ALS2: variants seen among roughly 807,000 people sequenced by gnomAD.
The protein encoded by ALS2 is alsin Rho guanine nucleotide exchange factor ALS2.
In ALS2, 117 loss-of-function variants were observed where a neutral mutation model predicts 203.4. That is an observed-to-expected ratio of 0.58 (90% CI 0.50 to 0.67). The LOEUF is 0.67. Ranked by LOEUF, ALS2 falls within the 30% of genes least tolerant of loss-of-function variation. The probability of loss-of-function intolerance (pLI) is 0.00; values close to 1 mark genes in which losing one functional copy is unlikely to be tolerated. For synonymous variants in ALS2, 718 were observed against 725.9 expected, an observed-to-expected ratio of 0.99 and a Z score of 0.17; for missense variants, 1,715 against 1,989.4, an observed-to-expected ratio of 0.86 and a Z score of 2.62.
chr2:201,728,543 A>G lies in ALS2; in HGVS notation c.2810T>C (p.Ile937Thr). Residue 937 changes from isoleucine to threonine, a missense_variant, in exon 15 of 34, where the codon ATT becomes ACT. Ile to Thr is a moderately conservative substitution (Grantham distance 89). Coordinates refer to ENST00000264276, the MANE Select transcript of ALS2 (RefSeq NM_020919.4). ...ATGGACCAGGGCATCATTAAAGAGA[A>G]TGAACCAATTCACGGAAAACCTCCC... ...HAGRFSVNWF[I>T]LFNDALVHAQ... 1.9e-6 allele frequency: 3 copies of G among 1,614,188 alleles called. No individual in the cohort carries two copies. The highest frequency in any genetic ancestry group is 2.5e-6 in the Non-Finnish European group (3 of 1,180,032).
chr2:201,711,604 T>TA (rs1368047600), intron 25 of ALS2, among the ~76,000 whole-genome samples: 6 of 152,106 alleles, frequency 3.9e-5, no homozygotes, highest in African/African-American at 1.4e-4. Context: ...AGCAAGGAGA[T>TA]AATGACACTC....
rs1339220576 is a variant in ALS2, at chr2:201,738,671, T to C, written c.2416A>G (p.Ile806Val). The C allele has an allele frequency of 1.2e-6, 2 of 1,613,654 alleles. No homozygotes were observed. The highest frequency in any genetic ancestry group is 1.7e-5 in the Admixed American group (1 of 60,006). Reference protein sequence around the residue: ...GGFQLLAKPAIDFLNKNQELL... With the variant: ...GGFQLLAKPAVDFLNKNQELL... The stretch of plus-strand genomic sequence containing the variant: ...ACTGGAAGGTGTGGGTTTGCTTACA[T>C]GGCAGGCTTAGCAAGAAGCTGGAAT... Residue 806 changes from isoleucine (I) to valine (V), a missense_variant and splice_region_variant, in exon 12 of 34, where the codon ATT becomes GTT. Around this residue, in one of 3 missense-constraint regions of ALS2, gnomAD observed 1,227 missense variants for 1,413.5 expected, o/e 0.87. Coordinates refer to ENST00000264276, the MANE Select transcript of ALS2 (RefSeq NM_020919.4).
At chr2:201,734,556 C>T (rs1691765315) in intron 12 of ALS2, among the ~76,000 whole-genome samples, 1 of 152,002 alleles carries the variant, frequency 6.6e-6, no homozygotes, top group African/African-American at 2.4e-5. Context: ...CCACGTTCTA[C>T]TGCAGAGATC....
chr2:201,752,109 CT>C (rs1343183593), intron 7 of ALS2, among the ~76,000 whole-genome samples: 1 of 152,044 alleles, frequency 6.6e-6, no homozygotes, highest in Non-Finnish European at 1.5e-5. Flanking sequence ...AAATATTACA[CT>C]GGAATATTTT....
At chr2:201,726,386 C>G in intron 19 of ALS2, 98 bp downstream of exon 19, 11 of 1,105,526 alleles carry the variant, frequency 1.0e-5, no homozygotes, top group Non-Finnish European at 1.5e-5. Flanking sequence ...CAACAAAAAT[C>G]TACTACTTGT....
chr2:201,748,455 A>T (rs556868674), intron 8 of ALS2, among the ~76,000 whole-genome samples: 3 of 152,268 alleles, frequency 2.0e-5, no homozygotes, highest in South Asian at 4.2e-4. Flanking sequence ...TTCCTCAAAT[A>T]AAAAAACCAA....
chr2:201,762,689 G>A (rs1437987098), intron 3 of ALS2: 2 of 152,168 alleles, frequency 1.3e-5, no homozygotes, highest in African/African-American at 4.8e-5. Flanking sequence ...TTTCTGAGGT[G>A]AGATTTGTTT....
chr2:201,753,841 C>T (rs1693219045), intron 6 of ALS2, among the ~76,000 whole-genome samples: 1 of 152,078 alleles, frequency 6.6e-6, no homozygotes, highest in Admixed American at 6.6e-5. Flanking sequence ...TCCTATGTGA[C>T]AGGTGGGGGC....
At chr2:201,709,553 C>A (rs1320962916) in intron 27 of ALS2, among the ~76,000 whole-genome samples, 4 of 152,190 alleles carry the variant, frequency 2.6e-5, no homozygotes, top group African/African-American at 7.2e-5. Flanking sequence ...TTTGTCTACT[C>A]TGTGGTTGGG....
At chr2:201,751,693 T>C (rs1345375353) in intron 7 of ALS2, among the ~76,000 whole-genome samples, 1 of 152,232 alleles carries the variant, frequency 6.6e-6, no homozygotes, top group Non-Finnish European at 1.5e-5. Flanking sequence ...TACTTTCTAA[T>C]TTCCAGTTTT....
intron 16 of ALS2, 64 bp downstream of exon 16, chr2:201,727,640 AT>A: frequency 3.3e-6 from 4 of 1,211,818 alleles, no homozygotes; most frequent in Non-Finnish European, 4.4e-6. Context: ...TTTTTTTCAC[AT>A]TTAAGGAAGC....
chr2:201,727,138 T>C (rs1195583185), intron 17 of ALS2, 74 bp downstream of exon 17: 1 of 1,320,002 alleles, frequency 7.6e-7, no homozygotes, highest in Non-Finnish European at 1.1e-6. Flanking sequence ...GAACAATTTA[T>C]ATTTCTTCTT....
At chr2:201,752,669 G>C (rs991004349) in intron 7 of ALS2, among the ~76,000 whole-genome samples, 3 of 151,940 alleles carry the variant, frequency 2.0e-5, no homozygotes, top group African/African-American at 7.3e-5. Context: ...AGCAGTCTGG[G>C]TTTAAAAAAA....
At chr2:201,715,479 G>T (rs1031381170) in intron 25 of ALS2, among the ~76,000 whole-genome samples, 193 bp downstream of exon 25, 4 of 152,194 alleles carry the variant, frequency 2.6e-5, no homozygotes, top group African/African-American at 4.8e-5. Context: ...ATAAATAACT[G>T]TCCATGTATT....
chr2:201,706,372 T>A (rs1689714011), intron 29 of ALS2, among the ~76,000 whole-genome samples: 2 of 137,840 alleles, frequency 1.5e-5, no homozygotes. Flanking sequence ...CATGACAGAG[T>A]GAAACTCTCT....
At chr2:201,770,498 A>C (rs1198122771) in intron 1 of ALS2, among the ~76,000 whole-genome samples, 1 of 152,102 alleles carries the variant, frequency 6.6e-6, no homozygotes, top group Non-Finnish European at 1.5e-5. Context: ...AACTGTTTTT[A>C]CAACTTTCTT....
chr2:201,764,912 A>G (rs1206186859), intron 3 of ALS2, among the ~76,000 whole-genome samples: 2 of 152,110 alleles, frequency 1.3e-5, no homozygotes, highest in Non-Finnish European at 2.9e-5. Context: ...ACGATAGGCT[A>G]TTTAAATATT....
rs891518577 is a variant in ALS2 at position 201,724,472 on chromosome 2, A to G, written c.3348-13T>C. ...ACCAGAAGCATAGCTGTGGTTGGAA[A>G]GAATGGATAATTATCACATGCACAT... is the stretch of plus-strand genomic sequence containing the variant. On this transcript the variant is annotated splice_polypyrimidine_tract_variant and intron_variant, in intron 20 of 33. Transcript: ENST00000264276. 2 of 1,613,616 alleles carry G rather than the reference A, an allele frequency of 1.2e-6. No homozygotes were observed. Among genetic ancestry groups the G allele is most frequent in the African/African-American group, 2.7e-5 (2 of 74,948 alleles).
chr2:201,705,684 T>A (rs1195198281), intron 29 of ALS2, among the ~76,000 whole-genome samples: 3 of 152,166 alleles, frequency 2.0e-5, no homozygotes, highest in Non-Finnish European at 4.4e-5. Flanking sequence ...GTTACAGATA[T>A]TACCAAATAT....
Sources: allele counts gnomAD v4.1 joint callset (sites outside exome capture counted in the v4.1 genomes callset), GRCh38; gene constraint gnomAD v4.1.1; regional missense constraint gnomAD v4.1.1; transcripts MANE v1.5; gene names NCBI Gene and HGNC (gene_info 2026-07-23, HGNC 2026-07-21).